The following ARHGAP29 variants were observed in gnomAD, a reference collection of about 807,000 sequenced individuals.
The protein encoded by ARHGAP29 is Rho GTPase activating protein 29.
Under a neutral mutation model 122.6 loss-of-function variants are expected in ARHGAP29, and 43 were observed. The ratio of observed to expected loss-of-function variants is 0.35; its 90% confidence interval spans 0.27 to 0.45. The LOEUF is 0.45. ARHGAP29 is among the 20% of genes least tolerant of loss of function. The pLI is 1.00. For missense variants in ARHGAP29, 1,303 were observed against 1,477.2 expected (o/e 0.88, Z 1.93); for synonymous variants, 506 against 497.1 (o/e 1.02, Z -0.24).
At chr1:94,182,169 A>G (rs1649513454) in intron 19 of ARHGAP29, among the ~76,000 whole-genome samples, 1 of 152,126 alleles carries the variant, frequency 6.6e-6, no homozygotes, top group Non-Finnish European at 1.5e-5. Context: ...AAAAAGAACA[A>G]AAACTACAAT....
intron 1 of ARHGAP29, among the ~76,000 whole-genome samples, chr1:94,255,265 G>A (rs1421225919): frequency 1.3e-5 from 2 of 152,200 alleles, no homozygotes; most frequent in African/African-American, 2.4e-5. Context: ...ACCATGTGAA[G>A]ACAGGGAGTG....
intron 6 of ARHGAP29, 100 bp downstream of exon 6, chr1:94,205,535 G>T (rs1651135287): frequency 8.9e-7 from 1 of 1,119,018 alleles, no homozygotes; most frequent in East Asian, 2.4e-5. Flanking sequence ...CATTAAAAAT[G>T]AATACACTAG....
At chr1:94,291,770 A>T in the ARHGAP29 span, among the ~76,000 whole-genome samples, 2 of 152,192 alleles carry the variant, frequency 1.3e-5, no homozygotes, top group African/African-American at 4.8e-5. Context: ...AAGAATGTTG[A>T]ATATTGGCCC....
chr1:94,264,422 C>A (rs1158818361), intron 1 of ARHGAP29, among the ~76,000 whole-genome samples: 1 of 152,078 alleles, frequency 6.6e-6, no homozygotes, highest in African/African-American at 2.4e-5. Context: ...CCCTACTAAT[C>A]AGTAGGGGTC....
intron 2 of ARHGAP29, among the ~76,000 whole-genome samples, chr1:94,227,211 C>T (rs1444564679): frequency 1.3e-5 from 2 of 151,650 alleles, no homozygotes; most frequent in South Asian, 2.1e-4. Flanking sequence ...ATACTACTTC[C>T]GACTATAGTC....
chr1:94,304,595 C>T, the ARHGAP29 span, among the ~76,000 whole-genome samples: 1 of 152,198 alleles, frequency 6.6e-6, no homozygotes, highest in African/African-American at 2.4e-5. Context: ...GTTATTACTT[C>T]GCTGTTCATG....
intron 11 of ARHGAP29, 62 bp from the exon 12 acceptor site, chr1:94,201,919 T>C (rs1650877682): frequency 7.2e-7 from 1 of 1,395,120 alleles, no homozygotes. Flanking sequence ...AAATATTTAC[T>C]ATAGTAAAGC....
chr1:94,202,485 A>G (rs1448577281), intron 11 of ARHGAP29, 59 bp downstream of exon 11: 6 of 1,594,652 alleles, frequency 3.8e-6, no homozygotes, highest in Non-Finnish European at 3.4e-6. Flanking sequence ...CTTTGACACC[A>G]AACTCCTGGC....
intron 1 of ARHGAP29, among the ~76,000 whole-genome samples, chr1:94,253,655 C>CGCAG (rs1654209155): frequency 1.3e-5 from 2 of 151,848 alleles, no homozygotes; most frequent in Admixed American, 6.6e-5. Flanking sequence ...CACGCACGCA[C>CGCAG]GCACGCACGC....
intron 12 of ARHGAP29, among the ~76,000 whole-genome samples, chr1:94,196,406 C>T (rs1050036606): frequency 4.0e-5 from 6 of 150,516 alleles, no homozygotes; most frequent in Admixed American, 4.0e-4. Flanking sequence ...GGACTACAGG[C>T]GCCCGCTACC....
chr1:94,197,795 CTTTA>C (rs1397893571), intron 12 of ARHGAP29, among the ~76,000 whole-genome samples: 1 of 152,060 alleles, frequency 6.6e-6, no homozygotes, highest in Non-Finnish European at 1.5e-5. Context: ...AAAATCTAAC[CTTTA>C]TTTATGATAA....
At chr1:94,287,756 G>A in the ARHGAP29 span, among the ~76,000 whole-genome samples, 3 of 151,220 alleles carry the variant, frequency 2.0e-5, no homozygotes, top group South Asian at 6.3e-4. Context: ...GCGATGTTTG[G>A]TTTTCTGTCC....
At chr1:94,274,543 G>C (rs911582960) in intron 1 of ARHGAP29, among the ~76,000 whole-genome samples, 4 of 152,208 alleles carry the variant, frequency 2.6e-5, no homozygotes, top group African/African-American at 9.7e-5. Flanking sequence ...TGGCAATATG[G>C]TGGTCACAGA....
At position 94,177,873 on chromosome 1, in the gene ARHGAP29, T is replaced by A; in HGVS notation, c.2775A>T (p.Ser925=). The A allele has an allele frequency of 6.2e-7, 1 of 1,608,386 alleles. No homozygotes were observed. The highest frequency in any genetic ancestry group is 8.5e-7 in the Non-Finnish European group (1 of 1,178,316). Reference sequence around the variant, plus strand: ...TCACTTCCTTTGAAGAAAAAAATAGTGACTTCATGGAACGTTCAATGTCTC... The same window carrying A: ...TCACTTCCTTTGAAGAAAAAAATAGAGACTTCATGGAACGTTCAATGTCTC... ...EERDIERSMK[S]LFFSSKEDIH... The change falls in exon 21 of 23, where the codon TCA becomes TCT. Residue 925 remains serine, a synonymous_variant. Transcript: ENST00000260526.
intron 20 of ARHGAP29, among the ~76,000 whole-genome samples, chr1:94,179,478 C>CA (rs1649310410): frequency 2.6e-5 from 4 of 151,460 alleles, no homozygotes; most frequent in African/African-American, 9.7e-5. Flanking sequence ...CCTGTACTCC[C>CA]AGCTACTTGG....
chr1:94,283,304 A>T, the ARHGAP29 span, among the ~76,000 whole-genome samples: 1 of 152,132 alleles, frequency 6.6e-6, no homozygotes, highest in African/African-American at 2.4e-5. Flanking sequence ...GACATTGCTG[A>T]GGGGTAACCT....
intron 1 of ARHGAP29, among the ~76,000 whole-genome samples, chr1:94,232,064 A>C (rs1426505171): frequency 7.9e-5 from 12 of 152,152 alleles, no homozygotes; most frequent in Non-Finnish European, 1.5e-4. Context: ...AGTTGTTCTG[A>C]AACATCACTT....
chr1:94,178,566 ACACCATTCCCACTCCTCTGGC>A (rs1282016489), intron 20 of ARHGAP29, among the ~76,000 whole-genome samples: 1 of 152,132 alleles, frequency 6.6e-6, no homozygotes, highest in Non-Finnish European at 1.5e-5. Context: ...CTCAGTTCCA[ACACCATTCCCACTCCTCTGGC>A]CTCACTTCAA....
chr1:94,194,926 T>C (rs996934941), intron 12 of ARHGAP29: 1 of 152,126 alleles, frequency 6.6e-6, no homozygotes, highest in Non-Finnish European at 1.5e-5. Context: ...GCGATGTAGT[T>C]TTACATTTAG....
Sources: allele counts gnomAD v4.1 joint callset (sites outside exome capture counted in the v4.1 genomes callset), GRCh38; gene constraint gnomAD v4.1.1; transcripts MANE v1.5; gene names NCBI Gene and HGNC (gene_info 2026-07-23, HGNC 2026-07-21).